The following RARB variants were observed in gnomAD, a reference collection of about 807,000 sequenced individuals.
RARB encodes the protein HBV-activated protein.
RARB carries 17 observed loss-of-function variants against 51.9 expected under a neutral mutation model. The observed-to-expected ratio is 0.33, with a 90% CI of 0.22 to 0.49. The LOEUF (loss-of-function observed/expected upper bound fraction) is 0.49. Ranked by LOEUF, RARB falls within the 20% of genes least tolerant of loss-of-function variation. RARB has a pLI of 0.99. For synonymous variants in RARB, 215 were observed against 195.4 expected (o/e 1.10, Z -0.84); for missense variants, 369 against 550.8 (o/e 0.67, Z 3.30).
chr3:25,177,241 T>C (rs576321337), intron 5 of RARB, among the ~76,000 whole-genome samples: 2 of 152,216 alleles, frequency 1.3e-5, no homozygotes, highest in East Asian at 3.8e-4. Flanking sequence ...AGCCCGTGTT[T>C]TCAAAAGTTC....
At chr3:24,854,813 C>G (rs1484208941) in intron 1 of RARB, among the ~76,000 whole-genome samples, 1 of 152,138 alleles carries the variant, frequency 6.6e-6, no homozygotes, top group African/African-American at 2.4e-5. Flanking sequence ...TGAAATGTTC[C>G]CTGGGGGCAA....
chr3:24,957,679 A>G (rs1208406998), intron 2 of RARB, among the ~76,000 whole-genome samples: 3 of 152,204 alleles, frequency 2.0e-5, no homozygotes, highest in African/African-American at 7.2e-5. Context: ...TTCTTTGCCA[A>G]TTATTAGCAT....
At chr3:24,901,482 C>G (rs1030319566) in intron 2 of RARB, among the ~76,000 whole-genome samples, 1 of 152,178 alleles carries the variant, frequency 6.6e-6, no homozygotes, top group African/African-American at 2.4e-5. Flanking sequence ...CTCAAGTGAT[C>G]CTCCTGCCTC....
intron 2 of RARB, among the ~76,000 whole-genome samples, chr3:24,962,829 C>A (rs1277907722): frequency 6.6e-6 from 1 of 152,072 alleles, no homozygotes; most frequent in Non-Finnish European, 1.5e-5. Context: ...TGTCACACAC[C>A]CTTTTATGCC....
At chr3:24,899,496 G>A (rs994153491) in intron 2 of RARB, among the ~76,000 whole-genome samples, 3 of 152,162 alleles carry the variant, frequency 2.0e-5, no homozygotes, top group Admixed American at 6.6e-5. Flanking sequence ...CTTTGCCATT[G>A]GTGAAAAGCA....
At chr3:25,531,387 GGTAGATAGATAGA>G (rs1559453869) in intron 3 of RARB, among the ~76,000 whole-genome samples, 31 of 102,894 alleles carry the variant, frequency 3.0e-4, no homozygotes, top group Admixed American at 9.2e-4. Flanking sequence ...TAGATAGATA[GGTAGATAGATAGA>G]TAGATAGATA....
intron 3 of RARB, among the ~76,000 whole-genome samples, chr3:25,565,109 C>T (rs1245494683): frequency 1.3e-5 from 2 of 152,166 alleles, no homozygotes; most frequent in African/African-American, 4.8e-5. Flanking sequence ...CCTGTAGCAT[C>T]CTTCATTGTA....
intron 3 of RARB, among the ~76,000 whole-genome samples, chr3:25,085,194 C>A (rs1699083098): frequency 6.6e-6 from 1 of 152,118 alleles, no homozygotes; most frequent in Non-Finnish European, 1.5e-5. Context: ...CTTTGGCAAG[C>A]AATAGTGTCA....
intron 5 of RARB, among the ~76,000 whole-genome samples, chr3:25,339,049 C>G (rs1399712850): frequency 6.6e-6 from 1 of 152,202 alleles, no homozygotes; most frequent in Non-Finnish European, 1.5e-5. Context: ...CTTGAAAGGT[C>G]TATGTTCTTT....
intron 2 of RARB, among the ~76,000 whole-genome samples, chr3:24,974,380 T>C (rs762273188): frequency 2.0e-4 from 31 of 152,110 alleles, no homozygotes; most frequent in Non-Finnish European, 4.1e-4. Flanking sequence ...AAGTATTAAC[T>C]TTTAGAAGTT....
intron 5 of RARB, among the ~76,000 whole-genome samples, chr3:25,334,625 A>C (rs1303665509): frequency 6.6e-6 from 1 of 152,162 alleles, no homozygotes; most frequent in South Asian, 2.1e-4. Context: ...ACATGTATAC[A>C]TATGTAACAA....
intron 5 of RARB, among the ~76,000 whole-genome samples, chr3:25,253,773 T>TG (rs2125403208): frequency 6.6e-6 from 1 of 152,282 alleles, no homozygotes; most frequent in South Asian, 2.1e-4. Flanking sequence ...CTATAAAGGT[T>TG]ACATTATTTG....
At chr3:25,081,304 T>A (rs1437117871) in intron 3 of RARB, among the ~76,000 whole-genome samples, 1 of 151,886 alleles carries the variant, frequency 6.6e-6, no homozygotes, top group African/African-American at 2.4e-5. Context: ...CACTTAGAAT[T>A]TATTAAGGTT....
At chr3:25,517,577 C>G (rs575841095) in intron 3 of RARB, among the ~76,000 whole-genome samples, 1 of 152,250 alleles carries the variant, frequency 6.6e-6, no homozygotes, top group African/African-American at 2.4e-5. Context: ...CTATGGGAAA[C>G]AGTTTGGCAG....
intron 2 of RARB, among the ~76,000 whole-genome samples, chr3:24,873,217 T>C (rs1041635819): frequency 1.3e-5 from 2 of 152,244 alleles, no homozygotes; most frequent in East Asian, 1.9e-4. Context: ...TTATCTCTTA[T>C]GTCAATGAAT....
chr3:24,836,434 G>T (rs1338076870), intron 1 of RARB, among the ~76,000 whole-genome samples: 1 of 152,184 alleles, frequency 6.6e-6, no homozygotes, highest in Non-Finnish European at 1.5e-5. Context: ...AAAAACATGA[G>T]AGTATTCCAA....
intron 2 of RARB, among the ~76,000 whole-genome samples, chr3:24,997,864 C>T: frequency 6.6e-6 from 1 of 152,078 alleles, no homozygotes; most frequent in East Asian, 1.9e-4. Context: ...TATCCAACTT[C>T]TTGATTGAGT....
At chr3:25,338,332 G>A (rs879404542) in intron 5 of RARB, among the ~76,000 whole-genome samples, 5 of 152,126 alleles carry the variant, frequency 3.3e-5, no homozygotes, top group Non-Finnish European at 5.9e-5. Context: ...AAAGTCCTCT[G>A]GCTATTGTCA....
At chr3:25,106,508 G>T (rs970069983) in intron 3 of RARB, among the ~76,000 whole-genome samples, 7 of 128,490 alleles carry the variant, frequency 5.4e-5, no homozygotes, top group Non-Finnish European at 1.1e-4. Context: ...TTGCCATGTT[G>T]CCAAGGCTGG....
Sources: allele counts gnomAD v4.1 joint callset (sites outside exome capture counted in the v4.1 genomes callset), GRCh38; gene constraint gnomAD v4.1.1; transcripts MANE v1.5; gene names NCBI Gene and HGNC (gene_info 2026-07-23, HGNC 2026-07-21).